The following NOS1AP variants were observed in gnomAD, a reference collection of about 807,000 sequenced individuals.
The protein encoded by NOS1AP is carboxyl-terminal PDZ ligand of neuronal nitric oxide synthase protein.
In NOS1AP, 21 loss-of-function variants were observed where a neutral mutation model predicts 56.2. The ratio of observed to expected loss-of-function variants is 0.37; its 90% CI spans 0.26 to 0.54. The LOEUF (loss-of-function observed/expected upper bound fraction) is 0.54, where lower values mean the gene tolerates loss of function less well. Among genes scored for constraint, NOS1AP ranks in the 20% least tolerant of loss-of-function variants. NOS1AP has a pLI of 0.84. For missense variants in NOS1AP, 522 were observed against 657.8 expected (o/e 0.79, Z 2.26); for synonymous variants, 270 against 274.6 (o/e 0.98, Z 0.17).
Position 162,365,566 on chromosome 1 carries a change from G to A in NOS1AP, c.1102G>A (p.Ala368Thr), listed in dbSNP as rs370763579. ...GGAACTGAAGCTGTCAGGACAGAAC[G>A]CCAGTAAGCCAGTGCCCTGCCCAGC... ...ELELKLSGQNAMGSQDSLLEI... is the reference protein window; with the variant it reads ...ELELKLSGQNTMGSQDSLLEI... The change falls in exon 9 of 10, where the codon GCC (alanine) becomes ACC (threonine). Residue 368 changes from alanine (A) to threonine (T), a missense_variant. Around this residue, in one of 4 missense-constraint regions of NOS1AP, gnomAD observed 52 missense variants for 94.5 expected, o/e 0.55. Transcript: ENST00000361897. The A allele has an allele frequency of 6.0e-5, 97 of 1,610,098 alleles. No individual in the cohort carries two copies. The highest frequency in any genetic ancestry group is 1.3e-4 in the East Asian group (6 of 44,880).
intron 2 of NOS1AP, among the ~76,000 whole-genome samples, chr1:162,169,714 T>C (rs1282207367): frequency 1.3e-5 from 2 of 152,174 alleles, no homozygotes; most frequent in Non-Finnish European, 2.9e-5. Context: ...AGGTCCATCA[T>C]GTCTCTATTC....
rs190209227 is a variant in NOS1AP at position 162,198,184 on chromosome 1, A to C, written c.177+43708A>C. On this transcript the variant is annotated intron_variant, in intron 2 of 9. Transcript: ENST00000361897. ...CTCGTTTAGGGGCTGGGAGGGAGCT[A>C]GGGGAGCCAGGGAGAGAATGACATT... Among the ~76,000 whole-genome samples the C allele has an allele frequency of 1.2e-4, 19 of 152,318 alleles. No individual in the cohort carries two copies. The East Asian group carries it at 3.7e-3, about 29-fold the overall frequency.
intron 4 of NOS1AP, among the ~76,000 whole-genome samples, chr1:162,320,427 A>G (rs1227958123): frequency 6.6e-6 from 1 of 152,214 alleles, no homozygotes; most frequent in Non-Finnish European, 1.5e-5. Flanking sequence ...CTCTGCATAT[A>G]ACACTTGAAG....
intron 6 of NOS1AP, among the ~76,000 whole-genome samples, chr1:162,354,859 T>G (rs975208988): frequency 6.6e-6 from 1 of 152,236 alleles, no homozygotes. Flanking sequence ...CTGCTTCCGT[T>G]CCTGAGCTGC....
chr1:162,231,769 A>G (rs1011129957), intron 2 of NOS1AP, among the ~76,000 whole-genome samples: 1 of 152,226 alleles, frequency 6.6e-6, no homozygotes, highest in Non-Finnish European at 1.5e-5. Context: ...TAACTGGCAC[A>G]GGATTATAGT....
chr1:162,218,521 C>A (rs1055552552), intron 2 of NOS1AP, among the ~76,000 whole-genome samples: 2 of 152,126 alleles, frequency 1.3e-5, no homozygotes, highest in African/African-American at 4.8e-5. Flanking sequence ...CTGCTATCAC[C>A]CTGCATAGGT....
chr1:162,261,432 C>T (rs939701174), intron 2 of NOS1AP, among the ~76,000 whole-genome samples: 2 of 103,566 alleles, frequency 1.9e-5, no homozygotes, highest in African/African-American at 8.2e-5. Context: ...TCAATCTAAT[C>T]ACAAGAGTCC....
chr1:162,154,134 CA>C (rs1243122367), intron 1 of NOS1AP, among the ~76,000 whole-genome samples: 1 of 152,074 alleles, frequency 6.6e-6, no homozygotes, highest in African/African-American at 2.4e-5. Flanking sequence ...TCTTCACACC[CA>C]AGGCTTTCTG....
At chr1:162,205,006 A>C (rs1652114681) in intron 2 of NOS1AP, among the ~76,000 whole-genome samples, 1 of 152,226 alleles carries the variant, frequency 6.6e-6, no homozygotes, top group African/African-American at 2.4e-5. Flanking sequence ...CATGAGGCTG[A>C]GCAACACAAG....
intron 6 of NOS1AP, among the ~76,000 whole-genome samples, chr1:162,352,778 G>T (rs1197871877): frequency 1.3e-5 from 2 of 152,022 alleles, no homozygotes; most frequent in African/African-American, 4.8e-5. Context: ...CCTCCCAAAA[G>T]CTCATCTCCA....
At chr1:162,199,593 TGC>T (rs1480270663) in intron 2 of NOS1AP, among the ~76,000 whole-genome samples, 3 of 135,258 alleles carry the variant, frequency 2.2e-5, no homozygotes, top group African/African-American at 8.8e-5. Context: ...GAGCATGGAT[TGC>T]GTGTGTGTGT....
At chr1:162,076,708 A>G (rs1691776907) in intron 1 of NOS1AP, among the ~76,000 whole-genome samples, 1 of 152,214 alleles carries the variant, frequency 6.6e-6, no homozygotes, top group South Asian at 2.1e-4. Context: ...TCTACTAAAA[A>G]TACAAAATTA....
At chr1:162,103,435 A>T (rs376262120) in intron 1 of NOS1AP, among the ~76,000 whole-genome samples, 13 of 152,286 alleles carry the variant, frequency 8.5e-5, no homozygotes, top group African/African-American at 2.4e-4. Flanking sequence ...AGTTCTGTAG[A>T]TATCTATCAC....
chr1:162,349,866 T>A (rs187171858), intron 6 of NOS1AP, among the ~76,000 whole-genome samples: 2 of 152,290 alleles, frequency 1.3e-5, no homozygotes, highest in Admixed American at 1.3e-4. Flanking sequence ...ATACTTTGAG[T>A]CTGAGCATTT....
chr1:162,186,730 A>G (rs1341659789), intron 2 of NOS1AP, among the ~76,000 whole-genome samples: 1 of 152,184 alleles, frequency 6.6e-6, no homozygotes, highest in Non-Finnish European at 1.5e-5. Flanking sequence ...CTCACCAGAC[A>G]CTGGATCTGT....
At chr1:162,133,123 T>A (rs1648827500) in intron 1 of NOS1AP, among the ~76,000 whole-genome samples, 1 of 152,198 alleles carries the variant, frequency 6.6e-6, no homozygotes, top group African/African-American at 2.4e-5. Context: ...TAGCAGCCAT[T>A]TACCTAAAAT....
intron 6 of NOS1AP, among the ~76,000 whole-genome samples, chr1:162,352,900 C>A (rs1399033579): frequency 6.6e-6 from 1 of 152,208 alleles, no homozygotes; most frequent in African/African-American, 2.4e-5. Context: ...CAGACTCTTA[C>A]AATGTCAACA....
chr1:162,107,464 G>T (rs560858804), intron 1 of NOS1AP, among the ~76,000 whole-genome samples: 9 of 152,266 alleles, frequency 5.9e-5, no homozygotes, highest in African/African-American at 2.2e-4. Flanking sequence ...CTTCTTAGTA[G>T]CTAGGACTAT....
chr1:162,365,292 C>T (rs1658041414), intron 8 of NOS1AP, 112 bp from the exon 9 acceptor site: 2 of 1,574,146 alleles, frequency 1.3e-6, no homozygotes, highest in African/African-American at 2.7e-5. Context: ...TCTTCTTGAA[C>T]TGAATGTGGA....
Sources: gnomAD v4.1 joint callset for allele counts (sites outside exome capture counted in the v4.1 genomes callset) on GRCh38, gnomAD v4.1.1 for gene constraint, gnomAD v4.1.1 regional missense constraint, MANE v1.5 for transcripts, NCBI Gene and HGNC (gene_info 2026-07-23, HGNC 2026-07-21) for gene names.